MTHFD2: variants seen among roughly 807,000 people sequenced by gnomAD.
The protein encoded by MTHFD2 is methylenetetrahydrofolate dehydrogenase (NADP+ dependent) 2, methenyltetrahydrofolate cyclohydrolase.
A neutral mutation model predicts 36.8 loss-of-function variants in MTHFD2; 26 were observed. That is an observed-to-expected ratio of 0.71 (90% CI 0.52 to 0.98). The LOEUF is 0.98. Ranked by LOEUF, MTHFD2 falls within the 50% of genes least tolerant of loss-of-function variation. The probability of loss-of-function intolerance (pLI) is 0.00; values close to 1 mark genes in which losing one functional copy is unlikely to be tolerated. For synonymous variants in MTHFD2, 164 were observed against 155.2 expected (o/e 1.06, Z -0.42); for missense variants, 373 against 434.0 (o/e 0.86, Z 1.25).
intron 2 of MTHFD2, among the ~76,000 whole-genome samples, chr2:74,206,927 C>T (rs946713238): frequency 1.3e-5 from 2 of 151,998 alleles, no homozygotes; most frequent in Non-Finnish European, 2.9e-5. Flanking sequence ...AGGCTGGTGT[C>T]GAACTCCCGA....
chr2:74,212,385 G>C (rs1694329403), intron 7 of MTHFD2, among the ~76,000 whole-genome samples: 1 of 145,118 alleles, frequency 6.9e-6, no homozygotes, highest in Non-Finnish European at 1.5e-5. Flanking sequence ...TGTGCTTCAA[G>C]CCTCCCCAGT....
chr2:74,214,031 T>C (rs768944129), intron 7 of MTHFD2, 48 bp from the exon 8 acceptor site: 2 of 1,582,786 alleles, frequency 1.3e-6, no homozygotes, highest in African/African-American at 1.4e-5. Flanking sequence ...AGTACACACA[T>C]GTCCTTTGCC....
rs147174991 is a variant in MTHFD2 at position 74,212,147 on chromosome 2, CCCT to C, written c.889+283_889+285del. Among the ~76,000 whole-genome samples, 1,417 of 143,932 alleles carry C rather than the reference CCCT, an allele frequency of 9.8e-3. 24 individuals are homozygous for C. The highest frequency in any genetic ancestry group is 0.036 in the African/African-American group (1,359 of 38,212). 94.4% of individuals were successfully genotyped at this position (143,932 alleles called of 152,430 possible). A position where few individuals can be genotyped will look rare whatever the true frequency, so the allele number is the denominator to read the frequency against. ...GCGCCCAGTCAGTATGCTTTTCCCT[CCCT>C]CTCTCCTTCCCTTCCTTCTTTCTTT... is the stretch of plus-strand genomic sequence containing the variant. On this transcript the variant is annotated intron_variant, in intron 7 of 7. Coordinates refer to ENST00000394053, the MANE Select transcript of MTHFD2 (RefSeq NM_006636.4).
In MTHFD2 at chr2:74,214,206, G is replaced by A. The variant is rs1694378691; in HGVS notation, c.1017G>A (p.Val339=). 1.2e-6 allele frequency: 2 copies of A among 1,613,954 alleles called. No homozygotes were observed. Among genetic ancestry groups the A allele is most frequent in the Non-Finnish European group, 1.7e-6 (2 of 1,179,946 alleles). ...TGCTGAGGCTTGAAGAGCGAGAAGT[G>A]CTGAAGTCTAAAGAGCTTGGGGTAG... The part of the protein sequence containing the change: ...KKVLRLEERE[V]LKSKELGVAT... The change falls in exon 8 of 8, where the codon GTG becomes GTA. Residue 339 remains valine (V), a synonymous_variant. Coordinates refer to ENST00000394053, the MANE Select transcript of MTHFD2 (RefSeq NM_006636.4).
chr2:74,206,298 G>A, intron 2 of MTHFD2: 2 of 158,156 alleles, frequency 1.3e-5, no homozygotes, highest in Non-Finnish European at 2.8e-5. Context: ...CCTCAGTGAT[G>A]AGGTCAGGAA....
rs745900163 is a variant in MTHFD2, at chr2:74,208,734, C to T, written c.562+13C>T. ...ATCAAGCGAACTGGTAGGTATATCC[C>T]AGAATTGCATGTCTGTGTTAATATT... is the stretch of plus-strand genomic sequence containing the variant. On this transcript the variant is annotated intron_variant, in intron 4 of 7. Transcript: ENST00000394053. 3.7e-6 allele frequency: 6 copies of T among 1,612,366 alleles called. No homozygotes were observed. In the African/African-American group the frequency reaches 5.3e-5, roughly 14 times the overall value.
Position 74,213,815 on chromosome 2 carries a change from C to T in MTHFD2, c.890-264C>T, listed in dbSNP as rs1014522224. On this transcript the variant is annotated intron_variant, in intron 7 of 7. Coordinates refer to ENST00000394053, the MANE Select transcript of MTHFD2 (RefSeq NM_006636.4). ...ATGCTTATTATTGTTATACTTACAA[C>T]TCCCACACAGTTAACCTACTAGATA... Among the ~76,000 whole-genome samples, 12 of 152,222 alleles carry T rather than the reference C, an allele frequency of 7.9e-5. No homozygotes were observed. The South Asian group carries it at 1.2e-3, about 16-fold the overall frequency.
intron 7 of MTHFD2, among the ~76,000 whole-genome samples, chr2:74,212,263 C>CTTTTTTTTTTTTTT (rs398042480): frequency 1.1e-4 from 4 of 35,692 alleles, no homozygotes; most frequent in Non-Finnish European, 1.4e-4. Flanking sequence ...GTTTCTTTCT[C>CTTTTTTTTTTTTTT]TTTTTTTTTT....
Position 74,216,858 on chromosome 2 carries a change from C to G in MTHFD2, c.*2616C>G, listed in dbSNP as rs545972165. The G allele has an allele frequency of 6.6e-6, 1 of 152,354 alleles. No individual in the cohort carries two copies. The highest frequency in any genetic ancestry group is 1.9e-4 in the East Asian group (1 of 5,190). 9.4% of individuals were successfully genotyped at this position (152,354 alleles called of 1,614,324 possible). On this transcript the variant is annotated 3_prime_UTR_variant, in exon 8 of 8. Coordinates refer to ENST00000394053, the MANE Select transcript of MTHFD2 (RefSeq NM_006636.4). ...TCCTGACCTCTGCTGATTCCCCCCA[C>G]CTCTGCCTCCCAAGTAGCGGGATTA...
chr2:74,206,788 A>G (rs962314431), intron 2 of MTHFD2, among the ~76,000 whole-genome samples: 4 of 152,104 alleles, frequency 2.6e-5, no homozygotes, highest in Non-Finnish European at 5.9e-5. Context: ...GGCTCTCCGC[A>G]ACCTCCGCCT....
chr2:74,210,538 C>T (rs1340304972), intron 5 of MTHFD2, among the ~76,000 whole-genome samples: 1 of 152,108 alleles, frequency 6.6e-6, no homozygotes, highest in Non-Finnish European at 1.5e-5. Flanking sequence ...GAAATAAAGG[C>T]AAAACTATAT....
At position 74,211,313 on chromosome 2, in the gene MTHFD2, A is replaced by T; in HGVS notation, c.763+22A>T. 2 of 1,486,982 alleles carry T rather than the reference A, an allele frequency of 1.3e-6. No individual in the cohort carries two copies. Among genetic ancestry groups the T allele is most frequent in the South Asian group, 2.3e-5 (2 of 86,796 alleles). 92.1% of individuals were successfully genotyped at this position (1,486,982 alleles called of 1,614,324 possible). On this transcript the variant is annotated intron_variant, in intron 6 of 7. Transcript: ENST00000394053. ...GCAGGTAAGAACACAAGGGGGATGG[A>T]GGGAAGGACTTCACCTCAGAAGAGG...
chr2:74,207,707 T>A lies in MTHFD2; in HGVS notation c.290T>A (p.Ile97Asn). The change falls in exon 3 of 8, where the codon ATC becomes AAC. Residue 97 changes from isoleucine (I) to asparagine (N), a missense_variant. Physicochemically the swap from Ile to Asn is moderately radical, Grantham distance 149. Around this residue, in one of 2 missense-constraint regions of MTHFD2, gnomAD observed 308 missense variants for 397.8 expected, o/e 0.77. Coordinates refer to ENST00000394053, the MANE Select transcript of MTHFD2 (RefSeq NM_006636.4). ...ACCTCAAAATTTCTTATAATAGGAA[T>A]CAACAGTGAGACAATTATGAAACCA... ...NKTRAAAVVG[I>N]NSETIMKPAS... 1 of 1,604,504 alleles carries A rather than the reference T, an allele frequency of 6.2e-7. No homozygotes were observed.
chr2:74,208,815 C>T, intron 4 of MTHFD2, 94 bp downstream of exon 4: 2 of 1,274,476 alleles, frequency 1.6e-6, no homozygotes, highest in South Asian at 2.8e-5. Context: ...GAGTGGAAAC[C>T]CTACTGCATA....
Position 74,198,640 on chromosome 2 carries a change from C to A in MTHFD2, c.-2C>A, listed in dbSNP as rs376901195. The A allele has an allele frequency of 6.2e-7, 1 of 1,606,830 alleles. No homozygotes were observed. Among genetic ancestry groups the A allele is most frequent in the African/African-American group, 1.3e-5 (1 of 74,772 alleles). On this transcript the variant is annotated 5_prime_UTR_variant, in exon 1 of 8. Coordinates refer to ENST00000394053, the MANE Select transcript of MTHFD2 (RefSeq NM_006636.4). ...CTCCCGGCGCAGTCACCGGCGCGGTCTATGGCTGCGACTTCTCTAATGTCT... is the reference window on the plus strand; with the variant it reads ...CTCCCGGCGCAGTCACCGGCGCGGTATATGGCTGCGACTTCTCTAATGTCT...
chr2:74,212,846 T>C (rs551120613), intron 7 of MTHFD2, among the ~76,000 whole-genome samples: 51 of 152,022 alleles, frequency 3.4e-4, no homozygotes, highest in African/African-American at 1.2e-3. Context: ...GTTAAAATGG[T>C]CCAGGAAAAA....
intron 6 of MTHFD2, 59 bp downstream of exon 6, chr2:74,211,350 C>T: frequency 8.8e-7 from 1 of 1,130,528 alleles, no homozygotes; most frequent in Non-Finnish European, 1.3e-6. Flanking sequence ...GGTTGTACCC[C>T]TCATCTTAGA....
At position 74,211,741 on chromosome 2, in the gene MTHFD2, G is replaced by A. The variant is rs1407809395; in HGVS notation, c.764G>A (p.Gly255Asp). ...ILADIVISAAGIPNLITADMI... is the reference protein window; with the variant it reads ...ILADIVISAADIPNLITADMI... ...TGATCTTTCCTTTCTCCATTTCCAG[G>A]TATTCCAAATCTGATCACAGCAGAT... The change falls in exon 7 of 8, where the codon GGT becomes GAT. Residue 255 changes from glycine to aspartate, a missense_variant and splice_region_variant. Gly to Asp is a moderately conservative substitution (Grantham distance 94, BLOSUM62 -1). Coordinates refer to ENST00000394053, the MANE Select transcript of MTHFD2 (RefSeq NM_006636.4). 1.9e-6 allele frequency: 3 copies of A among 1,602,340 alleles called. No individual in the cohort carries two copies. Among genetic ancestry groups the A allele is most frequent in the Non-Finnish European group, 2.6e-6 (3 of 1,174,848 alleles).
At chr2:74,211,313 A>G in intron 6 of MTHFD2, 22 bp downstream of exon 6, 1 of 1,486,982 alleles carries the variant, frequency 6.7e-7, no homozygotes, top group South Asian at 1.2e-5. Flanking sequence ...AGGGGGATGG[A>G]GGGAAGGACT....
Sources: gnomAD v4.1 joint callset for allele counts (sites outside exome capture counted in the v4.1 genomes callset) on GRCh38, gnomAD v4.1.1 for gene constraint, gnomAD v4.1.1 regional missense constraint, MANE v1.5 for transcripts, NCBI Gene and HGNC (gene_info 2026-07-23, HGNC 2026-07-21) for gene names.